The following SNUPN variants were observed in gnomAD, a reference collection of about 807,000 sequenced individuals.
SNUPN encodes the protein snurportin-1.
A neutral mutation model predicts 39.2 loss-of-function variants in SNUPN; 31 were observed. The observed-to-expected ratio is 0.79, with a 90% CI of 0.59 to 1.07. The LOEUF is 1.07. Ranked by LOEUF, SNUPN falls within the 50% of genes least tolerant of loss-of-function variation. The pLI is 0.00. For missense variants in SNUPN, 382 were observed against 434.2 expected (o/e 0.88, Z 1.07); for synonymous variants, 132 against 159.0 (o/e 0.83, Z 1.28).
intron 3 of SNUPN, among the ~76,000 whole-genome samples, chr15:75,615,634 C>A (rs1892907921): frequency 7.6e-6 from 1 of 131,576 alleles, no homozygotes; most frequent in Non-Finnish European, 1.5e-5. Context: ...CGGAGTCTCG[C>A]TCTGTCGCCC....
chr15:75,604,965 T>G (rs1338548301), intron 7 of SNUPN, among the ~76,000 whole-genome samples, 185 bp downstream of exon 7: 2 of 152,160 alleles, frequency 1.3e-5, no homozygotes, highest in East Asian at 3.8e-4. Context: ...AGTGAGAACA[T>G]AGGATGTTAA....
chr15:75,621,677 T>C (rs571328288), intron 1 of SNUPN, among the ~76,000 whole-genome samples: 2 of 152,288 alleles, frequency 1.3e-5, no homozygotes, highest in African/African-American at 4.8e-5. Flanking sequence ...CCAACTCATA[T>C]TATGAAAATT....
At chr15:75,603,087 C>T (rs776362450) in intron 7 of SNUPN, among the ~76,000 whole-genome samples, 12 of 148,500 alleles carry the variant, frequency 8.1e-5, no homozygotes, top group Non-Finnish European at 1.2e-4. Context: ...CTCGCTCCCT[C>T]ACCCAGGCTG....
chr15:75,615,235 C>A (rs547141657), intron 3 of SNUPN, among the ~76,000 whole-genome samples: 108 of 152,240 alleles, frequency 7.1e-4, no homozygotes, highest in African/African-American at 2.3e-3. Flanking sequence ...GTTGGCCAGG[C>A]TGGTCTTGAA....
At chr15:75,604,927 T>A (rs1407954514) in intron 7 of SNUPN, among the ~76,000 whole-genome samples, 2 of 152,198 alleles carry the variant, frequency 1.3e-5, no homozygotes, top group Admixed American at 6.5e-5. Flanking sequence ...TATGCCTTTA[T>A]ATCCTCATAG....
chr15:75,611,443 G>A (rs373234589), intron 3 of SNUPN, among the ~76,000 whole-genome samples: 5 of 151,432 alleles, frequency 3.3e-5, no homozygotes, highest in South Asian at 2.1e-4. Context: ...TAGTAGAGAC[G>A]GGGTTTCACC....
At chr15:75,620,388 C>T (rs1893037207) in intron 2 of SNUPN, among the ~76,000 whole-genome samples, 1 of 152,178 alleles carries the variant, frequency 6.6e-6, no homozygotes, top group African/African-American at 2.4e-5. Flanking sequence ...CCTGTTTGCA[C>T]ATCTTGGCAC....
rs890192834 is a variant in SNUPN, at chr15:75,624,091, C to A, written c.-6+1575G>T. ...TACAGGCGCCCGCCACTACGCCCGG[C>A]TAATTTTTTGTATTTTCAGTAGAGA... On this transcript the variant is annotated intron_variant, in intron 1 of 8. Transcript: ENST00000308588. Among the ~76,000 whole-genome samples the A allele has an allele frequency of 5.2e-3, 779 of 149,622 alleles. 6 individuals carry two copies. Among genetic ancestry groups the A allele is most frequent in the African/African-American group, 0.018 (722 of 40,924 alleles).
rs141302808 is a variant in SNUPN, at chr15:75,615,594, A to ATTTTT, written c.303+1809_303+1813dup. ...TTCCTCCTTGGTTGGAAGGAATCTC[A>ATTTTT]TTTTTTTTTTTTTTTTTTTTTTTTT... On this transcript the variant is annotated intron_variant, in intron 3 of 8. Transcript: ENST00000308588. Among the ~76,000 whole-genome samples the ATTTTT allele has an allele frequency of 2.3e-3, 170 of 73,976 alleles. 14 individuals carry two copies. Among genetic ancestry groups the ATTTTT allele is most frequent in the Middle Eastern group, 0.014 (1 of 74 alleles). 48.5% of individuals were successfully genotyped at this position (73,976 alleles called of 152,430 possible).
chr15:75,601,154 A>G lies in SNUPN; in HGVS notation c.743T>C (p.Met248Thr). The G allele has an allele frequency of 2.5e-6, 4 of 1,613,426 alleles. No individual in the cohort carries two copies. Among genetic ancestry groups the G allele is most frequent in the Non-Finnish European group, 3.4e-6 (4 of 1,179,368 alleles). Reference protein sequence around the residue: ...TPESLCDVLSMDFPFEVDGLL... With the variant: ...TPESLCDVLSTDFPFEVDGLL... ...TTTCGTTACCTCAAAAGGGAAATCC[A>G]TAGATAGCACATCACACAGGCTTTC... The change falls in exon 8 of 9, where the codon ATG becomes ACG. Residue 248 changes from methionine (M) to threonine (T), a missense_variant. Coordinates refer to ENST00000308588, the MANE Select transcript of SNUPN (RefSeq NM_005701.4).
intron 3 of SNUPN, among the ~76,000 whole-genome samples, chr15:75,613,215 C>A (rs1364427470): frequency 1.6e-5 from 2 of 123,088 alleles, no homozygotes; most frequent in Non-Finnish European, 3.3e-5. Context: ...GCCAAGATCG[C>A]GTCACTGCAC....
At chr15:75,613,907 T>C (rs1356644516) in intron 3 of SNUPN, among the ~76,000 whole-genome samples, 4 of 152,170 alleles carry the variant, frequency 2.6e-5, no homozygotes, top group Admixed American at 6.6e-5. Context: ...TTATCATATA[T>C]AGACCCAGCA....
chr15:75,623,709 T>C (rs1893135818), intron 1 of SNUPN, among the ~76,000 whole-genome samples: 2 of 151,878 alleles, frequency 1.3e-5, no homozygotes, highest in South Asian at 2.1e-4. Flanking sequence ...CCTCCCAAAG[T>C]GCTGGAATTA....
Position 75,602,553 on chromosome 15 carries a change from G to A in SNUPN, c.679-1335C>T, listed in dbSNP as rs182368874. Among the ~76,000 whole-genome samples the A allele has an allele frequency of 3.9e-4, 59 of 151,186 alleles. 1 individual carries two copies. The East Asian group carries it at 4.7e-3, about 12-fold the overall frequency. On this transcript the variant is annotated intron_variant, in intron 7 of 8. Transcript: ENST00000308588. ...AAAAAAAAAAAAAAATATTACTGATGCACAGGCCCTACTCTGAGATTCTGA... is the reference window on the plus strand; with the variant it reads ...AAAAAAAAAAAAAAATATTACTGATACACAGGCCCTACTCTGAGATTCTGA...
chr15:75,610,519 A>G (rs1349676864), intron 3 of SNUPN, among the ~76,000 whole-genome samples: 1 of 151,930 alleles, frequency 6.6e-6, no homozygotes, highest in Non-Finnish European at 1.5e-5. Context: ...GGGGCCACTG[A>G]CTATGAACTT....
intron 3 of SNUPN, among the ~76,000 whole-genome samples, chr15:75,614,426 G>A (rs1281295990): frequency 2.6e-5 from 4 of 152,182 alleles, no homozygotes; most frequent in Admixed American, 1.3e-4. Context: ...CCATACAGTG[G>A]AATATTATTT....
chr15:75,620,902 C>T lies in SNUPN; in HGVS notation c.150G>A (p.Leu50=). The T allele has an allele frequency of 6.2e-7, 1 of 1,612,772 alleles. No individual in the cohort carries two copies. Among genetic ancestry groups the T allele is most frequent in the East Asian group, 2.2e-5 (1 of 44,866 alleles). Residue 50 remains leucine (L), a synonymous_variant, in exon 2 of 9, where the codon CTG becomes CTA. Transcript: ENST00000308588. ...AGTTAAAGCTTCCTTACGATTTCTG[C>T]AGTTCCAGTAACCTCCGGCGGCGCT... ...QSERRRRLLE[L]QKSKRLDYVN...
At chr15:75,608,840 T>C (rs909024000) in intron 5 of SNUPN, among the ~76,000 whole-genome samples, 4 of 152,076 alleles carry the variant, frequency 2.6e-5, no homozygotes, top group African/African-American at 9.7e-5. Context: ...ACATGCAGTT[T>C]CAAAGATAAG....
intron 1 of SNUPN, among the ~76,000 whole-genome samples, chr15:75,623,925 ATTTTT>A (rs144317163): frequency 8.4e-6 from 1 of 118,394 alleles, no homozygotes. Context: ...TCATGATAAA[ATTTTT>A]TTTTTTTTTT....
Sources: allele counts gnomAD v4.1 joint callset (sites outside exome capture counted in the v4.1 genomes callset), GRCh38; gene constraint gnomAD v4.1.1; transcripts MANE v1.5; gene names NCBI Gene and HGNC (gene_info 2026-07-23, HGNC 2026-07-21).